RAD51B: variants seen among roughly 807,000 people sequenced by gnomAD.
The protein encoded by RAD51B is DNA repair protein RAD51 homolog 2.
A neutral mutation model predicts 42.2 loss-of-function variants in RAD51B; 38 were observed. That is an observed-to-expected ratio of 0.90 (90% CI 0.70 to 1.18). RAD51B has a LOEUF of 1.18. Ranked by LOEUF, RAD51B falls within the 50% of genes most tolerant of loss-of-function variation. The probability of loss-of-function intolerance (pLI) is 0.00; values close to 1 mark genes in which losing one functional copy is unlikely to be tolerated. For missense variants in RAD51B, 373 were observed against 400.7 expected (o/e 0.93, Z 0.59); for synonymous variants, 154 against 145.2 (o/e 1.06, Z -0.43).
At chr14:68,109,937 T>C (rs1053655799) in intron 7 of RAD51B, among the ~76,000 whole-genome samples, 3 of 152,014 alleles carry the variant, frequency 2.0e-5, no homozygotes, top group Non-Finnish European at 4.4e-5. Flanking sequence ...AGGAATATAG[T>C]GTAAACTTTG....
intron 7 of RAD51B, among the ~76,000 whole-genome samples, chr14:67,957,626 C>T (rs758362006): frequency 3.9e-5 from 6 of 152,178 alleles, no homozygotes; most frequent in African/African-American, 9.7e-5. Flanking sequence ...TTATAACACT[C>T]GGATCGCTGT....
At chr14:68,376,769 A>G (rs897351286) in intron 8 of RAD51B, among the ~76,000 whole-genome samples, 4 of 152,226 alleles carry the variant, frequency 2.6e-5, no homozygotes, top group African/African-American at 7.2e-5. Context: ...TAAGATTGAA[A>G]ATATTCTTGG....
At chr14:68,397,909 C>G (rs550230577) in intron 8 of RAD51B, among the ~76,000 whole-genome samples, 87 of 152,236 alleles carry the variant, frequency 5.7e-4, no homozygotes, top group Admixed American at 2.0e-3. Context: ...TCCCCCACCC[C>G]CTTCTCAGAG....
intron 7 of RAD51B, among the ~76,000 whole-genome samples, chr14:67,962,522 A>T (rs923231710): frequency 6.6e-6 from 1 of 152,200 alleles, no homozygotes; most frequent in East Asian, 1.9e-4. Flanking sequence ...AGACTTCACA[A>T]CAATGTGCAA....
At chr14:67,850,636 T>C (rs2041773774) in intron 4 of RAD51B, among the ~76,000 whole-genome samples, 1 of 152,176 alleles carries the variant, frequency 6.6e-6, no homozygotes, top group African/African-American at 2.4e-5. Context: ...CTGCATACCA[T>C]GTACTTCCTA....
chr14:68,397,130 T>C (rs887458020), intron 8 of RAD51B, among the ~76,000 whole-genome samples: 2 of 152,224 alleles, frequency 1.3e-5, no homozygotes, highest in African/African-American at 4.8e-5. Context: ...TCATAATTCT[T>C]TACTGTAATG....
In RAD51B at chr14:68,434,530, G is replaced by T. The variant is rs2085098070; in HGVS notation, c.957+23003G>T. ...CAATGAGCGAGGCTCCATGGGCATG[G>T]GATCCTCCAAGCCAGGCGTGCGTTA... On this transcript the variant is annotated intron_variant, in intron 9 of 10. Transcript: ENST00000471583. Among the ~76,000 whole-genome samples the T allele has an allele frequency of 2.0e-5, 3 of 152,208 alleles. No homozygotes were observed. In the South Asian group the frequency reaches 6.2e-4, roughly 32 times the overall value.
intron 9 of RAD51B, among the ~76,000 whole-genome samples, chr14:68,425,892 G>A (rs773204872): frequency 1.3e-5 from 2 of 152,074 alleles, no homozygotes; most frequent in East Asian, 1.9e-4. Flanking sequence ...ATAAGTGATT[G>A]TGATCAGAAT....
At chr14:68,669,053 C>A (rs185212774) in intron 11 of RAD51B, among the ~76,000 whole-genome samples, 1 of 152,328 alleles carries the variant, frequency 6.6e-6, no homozygotes, top group East Asian at 1.9e-4. Context: ...AAGAGTCTTA[C>A]CTGTTGAAAA....
At chr14:68,015,607 A>G (rs2075766378) in intron 7 of RAD51B, among the ~76,000 whole-genome samples, 3 of 152,134 alleles carry the variant, frequency 2.0e-5, no homozygotes, top group Non-Finnish European at 4.4e-5. Context: ...CGGGAGACTT[A>G]TTCACTATCA....
At chr14:67,906,615 A>T (rs1373144846) in intron 7 of RAD51B, among the ~76,000 whole-genome samples, 1 of 151,776 alleles carries the variant, frequency 6.6e-6, no homozygotes, top group Admixed American at 6.6e-5. Context: ...TCCTGGTTCA[A>T]TCTTGGGTTG....
intron 7 of RAD51B, among the ~76,000 whole-genome samples, chr14:68,037,025 ACCCTCCCT>A (rs2076134310): frequency 9.2e-6 from 1 of 109,242 alleles, no homozygotes; most frequent in African/African-American, 3.7e-5. Context: ...AGGAATTGTT[ACCCTCCCT>A]CCCCCCCTCC....
chr14:68,073,432 G>A lies in RAD51B; in HGVS notation c.756+186228G>A, dbSNP rs74497092. ...TACTTTCCCACTGTATGTGAGATGG[G>A]TCTGTTGAAGACATTATAGCGTTAG... On this transcript the variant is annotated intron_variant, in intron 7 of 10. Coordinates refer to ENST00000471583, the MANE Select transcript of RAD51B (RefSeq NM_133510.4). 6.9e-3 allele frequency among the ~76,000 whole-genome samples: 1,056 copies of A among 152,194 alleles called. 9 individuals are homozygous for A. The highest frequency in any genetic ancestry group is 0.024 in the African/African-American group (986 of 41,502).
rs1359087595 is a variant in RAD51B, at chr14:67,940,044, ATATATATATATTTTTTTTTTTTTTTTTT to A, written c.756+52842_756+52869del. Among the ~76,000 whole-genome samples, 7 of 14,938 alleles carry A rather than the reference ATATATATATATTTTTTTTTTTTTTTTTT, an allele frequency of 4.7e-4. 1 individual carries two copies. Among genetic ancestry groups the A allele is most frequent in the Non-Finnish European group, 6.5e-4 (4 of 6,110 alleles). The allele number at this position is 14,938 out of a possible 152,430, so 9.8% of individuals were successfully genotyped here. A position where few individuals can be genotyped will look rare whatever the true frequency, so the allele number is the denominator to read the frequency against. On this transcript the variant is annotated intron_variant, in intron 7 of 10. Transcript: ENST00000471583. Reference sequence around the variant, plus strand: ...GATGCATATATATATATATATATATATATATATATATTTTTTTTTTTTTTTTTTTTTTTTTTTTTTTTTTTTTGAGATG... The same window carrying A: ...GATGCATATATATATATATATATATATTTTTTTTTTTTTTTTTTTGAGATG...
At chr14:68,489,014 C>T (rs568339665) in intron 10 of RAD51B, among the ~76,000 whole-genome samples, 10 of 152,172 alleles carry the variant, frequency 6.6e-5, no homozygotes, top group East Asian at 1.9e-4. Flanking sequence ...AGTGCAATGG[C>T]GCAATCTCAG....
At chr14:68,315,303 C>T (rs574724169) in intron 8 of RAD51B, among the ~76,000 whole-genome samples, 12 of 152,322 alleles carry the variant, frequency 7.9e-5, no homozygotes, top group Admixed American at 6.5e-4. Flanking sequence ...TTTTCTTCCA[C>T]ATAGGAGATT....
At chr14:68,248,921 G>A (rs769544423) in intron 7 of RAD51B, among the ~76,000 whole-genome samples, 7 of 152,220 alleles carry the variant, frequency 4.6e-5, no homozygotes, top group African/African-American at 1.7e-4. Context: ...TGGCACCCTC[G>A]CCTTTGTGTG....
At position 67,885,895 on chromosome 14, in the gene RAD51B, T is replaced by G; in HGVS notation, c.479T>G (p.Phe160Cys). 1 of 1,609,970 alleles carries G rather than the reference T, an allele frequency of 6.2e-7. No homozygotes were observed. Among genetic ancestry groups the G allele is most frequent in the Non-Finnish European group, 8.5e-7 (1 of 1,177,056 alleles). Residue 160 changes from phenylalanine to cysteine, a missense_variant, in exon 6 of 11, where the codon TTT becomes TGT. Transcript: ENST00000471583. ...CTGGTTGAAATAGCAGAATCCCGTT[T>G]TCCCAGATATTTTAACACTGAAGAA... Reference protein sequence around the residue: ...ERLVEIAESRFPRYFNTEEKL... With the variant: ...ERLVEIAESRCPRYFNTEEKL...
chr14:67,951,915 C>T (rs530686161), intron 7 of RAD51B, among the ~76,000 whole-genome samples: 35 of 152,016 alleles, frequency 2.3e-4, no homozygotes, highest in Non-Finnish European at 4.3e-4. Context: ...TGTTATTTTG[C>T]GTAAATAACC....
Sources: gnomAD v4.1 joint callset for allele counts (sites outside exome capture counted in the v4.1 genomes callset) on GRCh38, gnomAD v4.1.1 for gene constraint, MANE v1.5 for transcripts, NCBI Gene and HGNC (gene_info 2026-07-23, HGNC 2026-07-21) for gene names.